The following UXS1 variants were observed in gnomAD, a reference collection of about 807,000 sequenced individuals.
UXS1 encodes the protein UDP-glucuronic acid decarboxylase 1.
UXS1 carries 33 observed loss-of-function variants against 62.6 expected under a neutral mutation model. The ratio of observed to expected loss-of-function variants is 0.53; its 90% CI spans 0.40 to 0.70. The LOEUF is 0.70. Ranked by LOEUF, UXS1 falls within the 30% of genes least tolerant of loss-of-function variation. UXS1 has a pLI of 0.00. For synonymous variants in UXS1, 213 were observed against 206.8 expected, an observed-to-expected ratio of 1.03 and a Z score of -0.26; for missense variants, 434 against 556.3, an observed-to-expected ratio of 0.78 and a Z score of 2.21.
intron 1 of UXS1, among the ~76,000 whole-genome samples, chr2:106,167,711 TA>T (rs879477380): frequency 6.6e-6 from 1 of 151,942 alleles, no homozygotes; most frequent in African/African-American, 2.4e-5. Flanking sequence ...CATTATTCAT[TA>T]AAAAAAATAA....
At chr2:106,095,321 G>A (rs540853316) in intron 14 of UXS1, among the ~76,000 whole-genome samples, 1 of 152,160 alleles carries the variant, frequency 6.6e-6, no homozygotes, top group Non-Finnish European at 1.5e-5. Flanking sequence ...TGCACAGCTT[G>A]GGATTATTCG....
chr2:106,106,364 C>CAA lies in UXS1; in HGVS notation c.880-1529_880-1528dup, dbSNP rs34097863. On this transcript the variant is annotated intron_variant, in intron 10 of 14. Coordinates refer to ENST00000283148, the MANE Select transcript of UXS1 (RefSeq NM_001253875.2). Reference sequence around the variant, plus strand: ...GGGCAACAAGAGTGAAACTCCGTCTCAAAAAAAAAAAAAAAAAGCACATGC... The same window carrying CAA: ...GGGCAACAAGAGTGAAACTCCGTCTCAAAAAAAAAAAAAAAAAAAGCACATGC... Among the ~76,000 whole-genome samples the CAA allele has an allele frequency of 3.0e-3, 388 of 127,504 alleles. 3 individuals are homozygous for CAA. Among genetic ancestry groups the CAA allele is most frequent in the African/African-American group, 3.6e-3 (118 of 32,904 alleles). The allele number at this position is 127,504 out of a possible 152,430, so 83.6% of individuals were successfully genotyped here. A position where few individuals can be genotyped will look rare whatever the true frequency, so the allele number is the denominator to read the frequency against.
At chr2:106,158,698 T>C (rs1364679943) in intron 4 of UXS1, among the ~76,000 whole-genome samples, 9 of 152,202 alleles carry the variant, frequency 5.9e-5, no homozygotes, top group Non-Finnish European at 1.2e-4. Flanking sequence ...GTCTGAACTT[T>C]GCTAAAGAAT....
chr2:106,194,104 G>T, intron 1 of UXS1, 44 bp downstream of exon 1: 1 of 1,416,856 alleles, frequency 7.1e-7, no homozygotes, highest in Non-Finnish European at 9.3e-7. Flanking sequence ...CGCGGCGCCG[G>T]GGAATGAATG....
At chr2:106,154,360 A>G (rs2105027332) in intron 5 of UXS1, among the ~76,000 whole-genome samples, 1 of 152,348 alleles carries the variant, frequency 6.6e-6, no homozygotes, top group African/African-American at 2.4e-5. Context: ...TGTCTGTCCC[A>G]GAGCTTCAGA....
chr2:106,178,568 G>GTA lies in UXS1; in HGVS notation c.95-12487_95-12486dup, dbSNP rs72444409. Among the ~76,000 whole-genome samples the GTA allele has an allele frequency of 5.9e-5, 9 of 151,712 alleles. 1 individual carries two copies. Among genetic ancestry groups the GTA allele is most frequent in the African/African-American group, 1.7e-4 (7 of 41,298 alleles). On this transcript the variant is annotated intron_variant, in intron 1 of 14. Coordinates refer to ENST00000283148, the MANE Select transcript of UXS1 (RefSeq NM_001253875.2). ...AATATATACAAGTGGGTGTGTGTGTGTATATATATATGTGTATATGTACAT... is the reference window on the plus strand; with the variant it reads ...AATATATACAAGTGGGTGTGTGTGTGTATATATATATATGTGTATATGTACAT...
At position 106,166,367 on chromosome 2, in the gene UXS1, G is replaced by A. The variant is rs555621470; in HGVS notation, c.95-284C>T. The A allele has an allele frequency of 7.7e-5, 22 of 284,998 alleles. No individual in the cohort carries two copies. In the Admixed American group the frequency reaches 8.8e-4, roughly 11 times the overall value. 17.7% of individuals were successfully genotyped at this position (284,998 alleles called of 1,614,324 possible). A position where few individuals can be genotyped will look rare whatever the true frequency, so the allele number is the denominator to read the frequency against. ...GCTCCCATCAGCAGCAGTGACAAGT[G>A]GGCTTTTAAAGGAAAAGGCAGTTTC... On this transcript the variant is annotated intron_variant, in intron 1 of 14. Coordinates refer to ENST00000283148, the MANE Select transcript of UXS1 (RefSeq NM_001253875.2).
At chr2:106,139,302 G>T (rs192223425) in intron 6 of UXS1, among the ~76,000 whole-genome samples, 7 of 152,168 alleles carry the variant, frequency 4.6e-5, no homozygotes, top group Non-Finnish European at 4.4e-5. Flanking sequence ...GAAGTCTCAA[G>T]AAATGAGCCT....
chr2:106,129,130 G>A (rs1388758232), intron 7 of UXS1, among the ~76,000 whole-genome samples: 4 of 152,208 alleles, frequency 2.6e-5, no homozygotes, highest in Admixed American at 6.5e-5. Flanking sequence ...ATGCTCTCTC[G>A]TCCATCTTTT....
At chr2:106,114,382 C>A (rs988522030) in intron 9 of UXS1, among the ~76,000 whole-genome samples, 1 of 152,200 alleles carries the variant, frequency 6.6e-6, no homozygotes, top group Non-Finnish European at 1.5e-5. Flanking sequence ...CTCCACCGAA[C>A]TAATGAGTGT....
chr2:106,142,623 G>A (rs1681205159), intron 6 of UXS1, among the ~76,000 whole-genome samples: 1 of 152,192 alleles, frequency 6.6e-6, no homozygotes, highest in Non-Finnish European at 1.5e-5. Flanking sequence ...TTCAAAGGAA[G>A]GTGCATTCTG....
intron 9 of UXS1, among the ~76,000 whole-genome samples, chr2:106,113,161 T>C (rs988886275): frequency 7.2e-5 from 11 of 152,236 alleles, no homozygotes; most frequent in Middle Eastern, 3.2e-3. Flanking sequence ...ATTGTGCAAA[T>C]TAATCACTCA....
intron 5 of UXS1, among the ~76,000 whole-genome samples, chr2:106,146,387 G>A (rs886524302): frequency 6.6e-6 from 1 of 152,178 alleles, no homozygotes; most frequent in African/African-American, 2.4e-5. Context: ...AAACTCCTAG[G>A]TCTATGGTTT....
At chr2:106,181,046 T>C (rs1483127119) in intron 1 of UXS1, among the ~76,000 whole-genome samples, 1 of 152,226 alleles carries the variant, frequency 6.6e-6, no homozygotes, top group Non-Finnish European at 1.5e-5. Flanking sequence ...AGTTTTCTGA[T>C]GGAACGAACA....
chr2:106,095,674 G>A (rs764880126), intron 14 of UXS1, among the ~76,000 whole-genome samples: 2 of 152,184 alleles, frequency 1.3e-5, no homozygotes, highest in Non-Finnish European at 2.9e-5. Flanking sequence ...ACACGCCTCT[G>A]CCCGAGGGGA....
At chr2:106,129,104 A>G (rs920850010) in intron 7 of UXS1, among the ~76,000 whole-genome samples, 4 of 152,244 alleles carry the variant, frequency 2.6e-5, no homozygotes, top group African/African-American at 9.6e-5. Flanking sequence ...ATATACACAT[A>G]TGACCACCAT....
chr2:106,190,847 T>C (rs1168783317), intron 1 of UXS1, among the ~76,000 whole-genome samples: 4 of 151,502 alleles, frequency 2.6e-5, no homozygotes, highest in Non-Finnish European at 4.4e-5. Context: ...TTTTACACTA[T>C]ATGCATGTTA....
intron 6 of UXS1, among the ~76,000 whole-genome samples, chr2:106,130,782 G>C (rs1680380594): frequency 6.6e-6 from 1 of 152,174 alleles, no homozygotes; most frequent in African/African-American, 2.4e-5. Context: ...CTGTGCACTA[G>C]TCACCCAGTG....
At position 106,112,782 on chromosome 2, in the gene UXS1, A is replaced by G. The variant is rs1394255875; in HGVS notation, c.760-17T>C. Reference sequence around the variant, plus strand: ...CACGCCTTCCTGGAACAGAGAGAAGAGGAGGTCAGGTGTGCTCCCCTGTGT... The same window carrying G: ...CACGCCTTCCTGGAACAGAGAGAAGGGGAGGTCAGGTGTGCTCCCCTGTGT... On this transcript the variant is annotated splice_polypyrimidine_tract_variant and intron_variant, in intron 9 of 14. Transcript: ENST00000283148. 2 of 1,611,636 alleles carry G rather than the reference A, an allele frequency of 1.2e-6. No homozygotes were observed. The highest frequency in any genetic ancestry group is 4.5e-5 in the East Asian group (2 of 44,812).
Sources: gnomAD v4.1 joint callset for allele counts (sites outside exome capture counted in the v4.1 genomes callset) on GRCh38, gnomAD v4.1.1 for gene constraint, MANE v1.5 for transcripts, NCBI Gene and HGNC (gene_info 2026-07-23, HGNC 2026-07-21) for gene names.